The following PDE7B variants were observed in gnomAD, a reference collection of about 807,000 sequenced individuals.
PDE7B encodes the protein phosphodiesterase 7B, also known as 3',5'-cyclic-AMP phosphodiesterase 7B.
PDE7B carries 29 observed loss-of-function variants against 56.2 expected under a neutral mutation model. The observed-to-expected ratio is 0.52, with a 90% CI of 0.38 to 0.70. The LOEUF is 0.70. PDE7B is among the 30% of genes least tolerant of loss of function. PDE7B has a pLI of 0.00. For synonymous variants in PDE7B, 197 were observed against 196.9 expected, an observed-to-expected ratio of 1.00 and a Z score of 0.00; for missense variants, 490 against 565.0, an observed-to-expected ratio of 0.87 and a Z score of 1.35.
intron 1 of PDE7B, among the ~76,000 whole-genome samples, chr6:135,897,978 T>C (rs373310701): frequency 1.3e-4 from 20 of 152,120 alleles, no homozygotes; most frequent in East Asian, 5.8e-4. Context: ...GTTTAAGGCA[T>C]GAAGAAGGGA....
At chr6:135,951,829 T>C (rs1310003224) in intron 2 of PDE7B, among the ~76,000 whole-genome samples, 1 of 152,174 alleles carries the variant, frequency 6.6e-6, no homozygotes. Context: ...AATAAGCACT[T>C]TCTTACCTGC....
At chr6:135,873,145 A>T (rs1197582294) in intron 1 of PDE7B, among the ~76,000 whole-genome samples, 1 of 152,154 alleles carries the variant, frequency 6.6e-6, no homozygotes, top group Non-Finnish European at 1.5e-5. Context: ...TGAGAGCGAA[A>T]CAAATCTAGT....
intron 7 of PDE7B, among the ~76,000 whole-genome samples, chr6:136,154,913 A>T (rs886742283): frequency 5.3e-5 from 8 of 152,204 alleles, no homozygotes; most frequent in Non-Finnish European, 8.8e-5. Context: ...AAATATTCAG[A>T]TGTCAAACAG....
intron 2 of PDE7B, among the ~76,000 whole-genome samples, chr6:136,075,982 A>G (rs137982050): frequency 1.9e-4 from 29 of 152,314 alleles, no homozygotes; most frequent in African/African-American, 5.8e-4. Context: ...GGTTGAATAT[A>G]CCTGCTTACC....
intron 2 of PDE7B, among the ~76,000 whole-genome samples, chr6:136,043,532 C>T (rs1776446615): frequency 6.9e-6 from 1 of 145,726 alleles, no homozygotes; most frequent in Non-Finnish European, 1.5e-5. Context: ...TTAATAATAG[C>T]ACCTTTGCTT....
chr6:135,954,639 A>C (rs1179763323), intron 2 of PDE7B, among the ~76,000 whole-genome samples: 1 of 152,178 alleles, frequency 6.6e-6, no homozygotes, highest in African/African-American at 2.4e-5. Context: ...CTATTGCCAC[A>C]GAGTATATTC....
chr6:136,156,162 A>AGTGTGTGTGTGTGTGTGTGTGTGTGTGT (rs10625572), intron 8 of PDE7B: 3 of 251,992 alleles, frequency 1.2e-5, no homozygotes, highest in East Asian at 9.8e-5. Flanking sequence ...GAATGATCCA[A>AGTGTGTGTGTGTGTGTGTGTGTGTGTGT]GTGTGTGTGT....
intron 1 of PDE7B, among the ~76,000 whole-genome samples, chr6:135,942,235 A>T (rs1774518246): frequency 6.6e-6 from 1 of 152,224 alleles, no homozygotes; most frequent in Admixed American, 6.5e-5. Context: ...GATAAAATTC[A>T]GTTTACTTAA....
intron 1 of PDE7B, among the ~76,000 whole-genome samples, chr6:135,912,841 A>G (rs1187493781): frequency 6.6e-6 from 1 of 152,176 alleles, no homozygotes; most frequent in Admixed American, 6.5e-5. Flanking sequence ...CATTTTACAG[A>G]TAAAGAATGA....
Position 136,151,140 on chromosome 6 carries a change from A to T in PDE7B, c.383-20A>T. Reference sequence around the variant, plus strand: ...AGTGGTGATCAAAATTAGTTAAAGGAAGTGACTGTTTTCCTGCAGGAAACA... The same window carrying T: ...AGTGGTGATCAAAATTAGTTAAAGGTAGTGACTGTTTTCCTGCAGGAAACA... On this transcript the variant is annotated intron_variant, in intron 5 of 12. Transcript: ENST00000308191. 7.4e-7 allele frequency: 1 copy of T among 1,345,928 alleles called. No individual in the cohort carries two copies. The highest frequency in any genetic ancestry group is 1.1e-6 in the Non-Finnish European group (1 of 936,946). The allele number at this position is 1,345,928 out of a possible 1,614,324, so 83.4% of individuals were successfully genotyped here.
intron 2 of PDE7B, among the ~76,000 whole-genome samples, chr6:136,014,857 A>G (rs926206125): frequency 1.3e-5 from 2 of 152,184 alleles, no homozygotes; most frequent in African/African-American, 4.8e-5. Flanking sequence ...ACTGAATCTG[A>G]CCTTGGAGAG....
At chr6:136,069,514 A>G (rs1237249347) in intron 2 of PDE7B, among the ~76,000 whole-genome samples, 1 of 152,252 alleles carries the variant, frequency 6.6e-6, no homozygotes. Flanking sequence ...CAAGGCTAAT[A>G]TTCTTTAAAA....
At chr6:135,858,000 TC>T (rs1339314436) in intron 1 of PDE7B, among the ~76,000 whole-genome samples, 1 of 152,116 alleles carries the variant, frequency 6.6e-6, no homozygotes, top group Non-Finnish European at 1.5e-5. Flanking sequence ...TGTTCAACTT[TC>T]CCCTCCATAA....
chr6:135,925,676 C>T (rs1774171413), intron 1 of PDE7B, among the ~76,000 whole-genome samples: 1 of 152,130 alleles, frequency 6.6e-6, no homozygotes, highest in African/African-American at 2.4e-5. Flanking sequence ...AACAAAAAAG[C>T]AAAAGCCCTG....
intron 8 of PDE7B, among the ~76,000 whole-genome samples, chr6:136,168,346 A>G (rs947364400): frequency 6.6e-6 from 1 of 152,102 alleles, no homozygotes; most frequent in Non-Finnish European, 1.5e-5. Flanking sequence ...TCTTACAGGG[A>G]TCCGTTGTGG....
chr6:135,926,400 T>G (rs899958443), intron 1 of PDE7B, among the ~76,000 whole-genome samples: 1 of 152,048 alleles, frequency 6.6e-6, no homozygotes, highest in African/African-American at 2.4e-5. Context: ...CTCTGTATTT[T>G]TTATGAAAGG....
At chr6:136,173,934 A>T in intron 9 of PDE7B, 46 bp downstream of exon 9, 1 of 1,360,084 alleles carries the variant, frequency 7.4e-7, no homozygotes, top group Middle Eastern at 1.8e-4. Flanking sequence ...TGCAGTAAAG[A>T]TAAGCCACTT....
chr6:136,074,253 G>T lies in PDE7B; in HGVS notation c.83-34478G>T, dbSNP rs1031315561. ...CTCAAAAAAAAAAAAAGGCGGGGGGGATTTGGGGTTTTTTTGTTGTTTAAG... is the reference window on the plus strand; with the variant it reads ...CTCAAAAAAAAAAAAAGGCGGGGGGTATTTGGGGTTTTTTTGTTGTTTAAG... On this transcript the variant is annotated intron_variant, in intron 2 of 12. Transcript: ENST00000308191. 2.6e-5 allele frequency among the ~76,000 whole-genome samples: 4 copies of T among 151,240 alleles called. No homozygotes were observed. The East Asian group carries it at 7.8e-4, about 29-fold the overall frequency.
intron 2 of PDE7B, among the ~76,000 whole-genome samples, chr6:136,073,826 G>A (rs1003265921): frequency 1.3e-5 from 2 of 152,158 alleles, no homozygotes; most frequent in Non-Finnish European, 2.9e-5. Flanking sequence ...ATCATGATAC[G>A]TATCTCTCAG....
Sources: allele counts gnomAD v4.1 joint callset (sites outside exome capture counted in the v4.1 genomes callset), GRCh38; gene constraint gnomAD v4.1.1; transcripts MANE v1.5; gene names NCBI Gene and HGNC (gene_info 2026-07-23, HGNC 2026-07-21).